Variants in RBM33 observed in about 807,000 individuals in gnomAD.
RBM33 encodes the protein RNA binding motif protein 33, also known as RNA-binding protein 33.
In RBM33, 28 loss-of-function variants were observed where a neutral mutation model predicts 132.6. The observed-to-expected ratio is 0.21, with a 90% CI of 0.16 to 0.29. RBM33 has a LOEUF of 0.29. RBM33 is among the 10% of genes least tolerant of loss of function. The pLI is 1.00. For missense variants in RBM33, 1,291 were observed against 1,518.5 expected (o/e 0.85, Z 2.49); for synonymous variants, 634 against 593.0 (o/e 1.07, Z -1.01).
At chr7:155,657,627 G>A (rs78575963) in intron 1 of RBM33, among the ~76,000 whole-genome samples, 1 of 152,220 alleles carries the variant, frequency 6.6e-6, no homozygotes, top group East Asian at 1.9e-4. Flanking sequence ...CGCTTCTCAG[G>A]CTCCCAAGTA....
intron 14 of RBM33, among the ~76,000 whole-genome samples, chr7:155,759,340 C>T (rs1274331396): frequency 6.6e-6 from 1 of 151,922 alleles, no homozygotes; most frequent in Non-Finnish European, 1.5e-5. Flanking sequence ...TAAATTTTCA[C>T]CAGTCTCTTA....
intron 9 of RBM33, among the ~76,000 whole-genome samples, chr7:155,724,399 G>T (rs1800716757): frequency 6.6e-6 from 1 of 152,114 alleles, no homozygotes; most frequent in Non-Finnish European, 1.5e-5. Context: ...ATGGTGGCGG[G>T]TGCCTGTAGA....
At chr7:155,738,963 A>G (rs928722416) in intron 11 of RBM33, 1 of 154,842 alleles carries the variant, frequency 6.5e-6, no homozygotes, top group African/African-American at 2.4e-5. Context: ...TTTCTTACCA[A>G]GTGTATATTT....
intron 1 of RBM33, among the ~76,000 whole-genome samples, chr7:155,659,596 G>T (rs535828099): frequency 6.6e-6 from 1 of 151,908 alleles, no homozygotes; most frequent in African/African-American, 2.4e-5. Flanking sequence ...AAGGACCTAC[G>T]GGACACCACC....
Position 155,737,636 on chromosome 7 carries a change from A to T in RBM33, c.1367A>T (p.Gln456Leu), listed in dbSNP as rs1193818346. ...QDQWRAPPPP[Q>L]DRDPFFLGVS... ...CAGTGGAGAGCCCCACCCCCGCCTC[A>T]GGATCGAGACCCTTTCTTCTTAGGA... Residue 456 changes from glutamine to leucine, a missense_variant, in exon 10 of 18, where the codon CAG becomes CTG. By Grantham distance (113) the Gln-to-Leu change is moderately radical (BLOSUM62 -2). Transcript: ENST00000401878. The T allele has an allele frequency of 1.3e-6, 2 of 1,556,398 alleles. No individual in the cohort carries two copies. Among genetic ancestry groups the T allele is most frequent in the Non-Finnish European group, 1.7e-6 (2 of 1,152,908 alleles).
In RBM33 at chr7:155,759,415, C is replaced by CTTTT. The variant is rs58449648; in HGVS notation, c.2980-4380_2980-4377dup. On this transcript the variant is annotated intron_variant, in intron 14 of 17. Transcript: ENST00000401878. ...TATTTATTGACTCAATGTTTATGTTCTTTTTTTTTTTTTTTTTTTTGAGAT... is the reference window on the plus strand; with the variant it reads ...TATTTATTGACTCAATGTTTATGTTCTTTTTTTTTTTTTTTTTTTTTTTTGAGAT... Among the ~76,000 whole-genome samples the CTTTT allele has an allele frequency of 7.1e-4, 81 of 113,990 alleles. 1 individual carries two copies. Among genetic ancestry groups the CTTTT allele is most frequent in the African/African-American group, 2.4e-3 (66 of 27,730 alleles). The allele number at this position is 113,990 out of a possible 152,430, so 74.8% of individuals were successfully genotyped here.
At chr7:155,698,362 A>G (rs909688079) in intron 5 of RBM33, among the ~76,000 whole-genome samples, 3 of 69,156 alleles carry the variant, frequency 4.3e-5, no homozygotes, top group African/African-American at 2.7e-4. Context: ...GCAAGACTCC[A>G]TCTCAGGGAA....
intron 2 of RBM33, among the ~76,000 whole-genome samples, chr7:155,671,042 C>G (rs1287355833): frequency 6.6e-6 from 1 of 152,076 alleles, no homozygotes; most frequent in Non-Finnish European, 1.5e-5. Flanking sequence ...GCATCACATT[C>G]CATTTTTAGT....
intron 7 of RBM33, 99 bp downstream of exon 7, chr7:155,707,167 A>G (rs1330891293): frequency 9.4e-7 from 1 of 1,061,422 alleles, no homozygotes; most frequent in Non-Finnish European, 1.4e-6. Flanking sequence ...TCTTAGTCTG[A>G]AATGAAAGGT....
intron 7 of RBM33, among the ~76,000 whole-genome samples, chr7:155,709,217 A>G (rs1321899605): frequency 6.6e-6 from 1 of 152,154 alleles, no homozygotes; most frequent in African/African-American, 2.4e-5. Flanking sequence ...ATGCATAAAT[A>G]TATTGCATAT....
At chr7:155,687,042 G>C (rs920846141) in intron 5 of RBM33, among the ~76,000 whole-genome samples, 11 of 152,162 alleles carry the variant, frequency 7.2e-5, no homozygotes, top group African/African-American at 2.7e-4. Flanking sequence ...CTAGATCCTT[G>C]AGGAGTTGCC....
intron 9 of RBM33, among the ~76,000 whole-genome samples, chr7:155,725,612 A>T (rs1047288771): frequency 5.9e-5 from 9 of 152,110 alleles, no homozygotes; most frequent in African/African-American, 1.9e-4. Context: ...CATTAGGAGG[A>T]GTTGTTTCAG....
intron 9 of RBM33, among the ~76,000 whole-genome samples, chr7:155,719,071 A>G (rs372789936): frequency 6.6e-6 from 1 of 152,336 alleles, no homozygotes; most frequent in Non-Finnish European, 1.5e-5. Context: ...GGTAGAAGAA[A>G]AAGCCCATTA....
At chr7:155,739,232 C>CT (rs952354025) in intron 11 of RBM33, 66 of 147,750 alleles carry the variant, frequency 4.5e-4, no homozygotes, top group South Asian at 2.0e-3. Flanking sequence ...AATTCAGGAG[C>CT]TTTTTTTTTT....
At chr7:155,744,874 G>T (rs1323177580) in intron 13 of RBM33, 87 bp from the exon 14 acceptor site, 3 of 1,274,250 alleles carry the variant, frequency 2.4e-6, no homozygotes, top group Non-Finnish European at 3.2e-6. Context: ...AAGGACTTGT[G>T]GTAAATGTGT....
Position 155,672,919 on chromosome 7 carries a change from A to G in RBM33, c.171+4A>G, listed in dbSNP as rs1455511658. ...AGATTTGCTATCTGGCAAAAAGGTA[A>G]GAAGTTTATGTCCTTCTGAGATGAA... On this transcript the variant is annotated splice_donor_region_variant and intron_variant, in intron 3 of 17. Transcript: ENST00000401878. 3 of 1,541,136 alleles carry G rather than the reference A, an allele frequency of 1.9e-6. No individual in the cohort carries two copies. Among genetic ancestry groups the G allele is most frequent in the Admixed American group, 2.0e-5 (1 of 50,798 alleles).
chr7:155,748,997 C>G (rs1801610815), intron 14 of RBM33, among the ~76,000 whole-genome samples: 1 of 152,106 alleles, frequency 6.6e-6, no homozygotes, highest in South Asian at 2.1e-4. Context: ...GAGCCTTTCT[C>G]TAGGACTGAG....
chr7:155,702,136 A>T (rs146693859), intron 6 of RBM33, among the ~76,000 whole-genome samples: 1 of 152,332 alleles, frequency 6.6e-6, no homozygotes, highest in East Asian at 1.9e-4. Flanking sequence ...CTTGGTCTAG[A>T]TAAGAATCAA....
At chr7:155,729,904 T>C (rs1426847545) in intron 9 of RBM33, among the ~76,000 whole-genome samples, 2 of 152,192 alleles carry the variant, frequency 1.3e-5, no homozygotes, top group Non-Finnish European at 2.9e-5. Context: ...GGCAGTTCAC[T>C]GCCCGAGGTC....
Sources: gnomAD v4.1 joint callset for allele counts (sites outside exome capture counted in the v4.1 genomes callset) on GRCh38, gnomAD v4.1.1 for gene constraint, MANE v1.5 for transcripts, NCBI Gene and HGNC (gene_info 2026-07-23, HGNC 2026-07-21) for gene names.